Variants in GLIS2 observed in about 807,000 individuals in gnomAD.
The protein encoded by GLIS2 is zinc finger protein GLIS2.
GLIS2 carries 14 observed loss-of-function variants against 35.6 expected under a neutral mutation model. That is an observed-to-expected ratio of 0.39 (90% CI 0.26 to 0.61). The LOEUF (loss-of-function observed/expected upper bound fraction) is 0.61, where lower values mean the gene tolerates loss of function less well. Among genes scored for constraint, GLIS2 ranks in the 20% least tolerant of loss-of-function variants. The pLI is 0.48. For missense variants in GLIS2, 675 were observed against 713.4 expected (o/e 0.95, Z 0.61); for synonymous variants, 368 against 325.1 (o/e 1.13, Z -1.42).
At chr16:4,317,269 G>C (rs1283742607) in intron 1 of GLIS2, among the ~76,000 whole-genome samples, 1 of 152,166 alleles carries the variant, frequency 6.6e-6, no homozygotes, top group African/African-American at 2.4e-5. Context: ...TGACACTGAG[G>C]GGGCAGCCAG....
intron 1 of GLIS2, among the ~76,000 whole-genome samples, chr16:4,330,610 C>T (rs550380714): frequency 1.3e-5 from 2 of 152,344 alleles, no homozygotes; most frequent in African/African-American, 4.8e-5. Flanking sequence ...TGGTGGTGAG[C>T]GTGGCTACCT....
intron 1 of GLIS2, among the ~76,000 whole-genome samples, chr16:4,322,719 G>C (rs538555933): frequency 6.6e-6 from 1 of 151,964 alleles, no homozygotes; most frequent in South Asian, 2.1e-4. Context: ...GCATGAATGC[G>C]TGGTTGGAGA....
Position 4,336,817 on chromosome 16 carries a change from G to C in GLIS2, c.868G>C (p.Asp290His). ...TAAGCACACGCGCACCCACTATGTG[G>C]ACAAGCCCTACTACTGCAAGATGCC... ...RFKHTRTHYV[D>H]KPYYCKMPGC... is the part of the protein sequence containing the mutation. Residue 290 changes from aspartate to histidine, a missense_variant, in exon 7 of 7, where the codon GAC becomes CAC. Physicochemically the swap from Asp to His is moderately conservative, Grantham distance 81. This residue lies in a region of GLIS2 where 133 missense variants were observed against 191.4 expected (regional missense o/e 0.69). Transcript: ENST00000433375. 1 of 1,612,214 alleles carries C rather than the reference G, an allele frequency of 6.2e-7. No homozygotes were observed. The highest frequency in any genetic ancestry group is 8.5e-7 in the Non-Finnish European group (1 of 1,179,382).
intron 2 of GLIS2, 47 bp from the exon 3 acceptor site, chr16:4,333,300 C>T: frequency 1.2e-6 from 2 of 1,608,790 alleles, no homozygotes; most frequent in Non-Finnish European, 1.7e-6. Flanking sequence ...ACCTGGCCCA[C>T]TGGGACTCTA....
At chr16:4,327,651 G>C (rs1251218038) in intron 1 of GLIS2, among the ~76,000 whole-genome samples, 1 of 152,004 alleles carries the variant, frequency 6.6e-6, no homozygotes, top group Non-Finnish European at 1.5e-5. Context: ...CCATTGTCTC[G>C]GCCAGGGTGG....
intron 1 of GLIS2, among the ~76,000 whole-genome samples, chr16:4,329,854 A>G (rs1387429239): frequency 6.6e-6 from 1 of 152,222 alleles, no homozygotes; most frequent in East Asian, 1.9e-4. Context: ...CAATGAACAA[A>G]CGCAAGGAAA....
In GLIS2 at chr16:4,334,808, A is replaced by G. The variant is rs1281784980; in HGVS notation, c.353A>G (p.Gln118Arg). ...LPPVPSASDF[Q>R]PLRYLDGVPS... ...CCTCCCCTCGCACCCCAGGACTTCCAGCCACTGCGCTATTTGGATGGTGTC... is the reference window on the plus strand; with the variant it reads ...CCTCCCCTCGCACCCCAGGACTTCCGGCCACTGCGCTATTTGGATGGTGTC... The change falls in exon 4 of 7, where the codon CAG (glutamine) becomes CGG (arginine). Residue 118 changes from glutamine (Q) to arginine (R), a missense_variant. This residue lies in a region of GLIS2 where 225 missense variants were observed against 238.7 expected (regional missense o/e 0.94). Transcript: ENST00000433375. 5 of 1,613,288 alleles carry G rather than the reference A, an allele frequency of 3.1e-6. No individual in the cohort carries two copies. Among genetic ancestry groups the G allele is most frequent in the Non-Finnish European group, 4.2e-6 (5 of 1,179,990 alleles).
Position 4,336,908 on chromosome 16 carries a change from T to G in GLIS2, c.959T>G (p.Phe320Cys), listed in dbSNP as rs144782020. ...LRKHIKAHGH[F>C]VSHEQQELLQ... ...AAGCACATCAAGGCCCATGGCCACT[T>G]TGTGTCCCACGAGCAGCAAGAGCTC... Residue 320 changes from phenylalanine to cysteine, a missense_variant, in exon 7 of 7, where the codon TTT (phenylalanine) becomes TGT (cysteine). By Grantham distance (205) the Phe-to-Cys change is radical. Around this residue, in one of 3 missense-constraint regions of GLIS2, gnomAD observed 317 missense variants for 283.2 expected, o/e 1.12. Transcript: ENST00000433375. 37 of 1,612,920 alleles carry G rather than the reference T, an allele frequency of 2.3e-5. No individual in the cohort carries two copies. Among genetic ancestry groups the G allele is most frequent in the Non-Finnish European group, 3.0e-5 (35 of 1,180,008 alleles).
intron 1 of GLIS2, among the ~76,000 whole-genome samples, chr16:4,324,480 T>C (rs2053409550): frequency 6.6e-6 from 1 of 152,136 alleles, no homozygotes; most frequent in Admixed American, 6.5e-5. Flanking sequence ...CTGAGGTTCT[T>C]TGAGGGGCAT....
At chr16:4,328,784 G>T (rs1341496335) in intron 1 of GLIS2, among the ~76,000 whole-genome samples, 3 of 152,214 alleles carry the variant, frequency 2.0e-5, no homozygotes, top group African/African-American at 7.2e-5. Context: ...TCCTGGGGAA[G>T]TGTCCCCTGC....
chr16:4,338,276 C>G lies in GLIS2; in HGVS notation c.*752C>G, dbSNP rs915414465. 1 of 152,604 alleles carries G rather than the reference C, an allele frequency of 6.6e-6. No homozygotes were observed. Among genetic ancestry groups the G allele is most frequent in the African/African-American group, 2.4e-5 (1 of 41,468 alleles). 9.5% of individuals were successfully genotyped at this position (152,604 alleles called of 1,614,324 possible). A position where few individuals can be genotyped will look rare whatever the true frequency, so the allele number is the denominator to read the frequency against. On this transcript the variant is annotated 3_prime_UTR_variant, in exon 7 of 7. Coordinates refer to ENST00000433375, the MANE Select transcript of GLIS2 (RefSeq NM_032575.3). ...CACCCTGGGAGCGTGGGAAGCAGGTCCGAGGGCCCCTGAGCTGGCAAGGGG... is the reference window on the plus strand; with the variant it reads ...CACCCTGGGAGCGTGGGAAGCAGGTGCGAGGGCCCCTGAGCTGGCAAGGGG...
rs1186215459 is a variant in GLIS2 at position 4,335,205 on chromosome 16, G to C, written c.656+12G>C. On this transcript the variant is annotated intron_variant, in intron 5 of 6. Transcript: ENST00000433375. This position sits in a 1 kb window ranked among gnomAD's most constrained non-coding sequence, Gnocchi z 4.6. ...GGTTTCAACGCCAGGTGAGGTGGGG[G>C]AGAGAGGGGTAGAGGGAGGACTGGG... 6.2e-7 allele frequency: 1 copy of C among 1,613,450 alleles called. No homozygotes were observed. The highest frequency in any genetic ancestry group is 8.5e-7 in the Non-Finnish European group (1 of 1,179,972).
chr16:4,318,352 T>G (rs902657190), intron 1 of GLIS2, among the ~76,000 whole-genome samples: 5 of 151,864 alleles, frequency 3.3e-5, no homozygotes, highest in African/African-American at 9.7e-5. Context: ...GAAGCCTGGG[T>G]GGAGGGGGGT....
At position 4,332,193 on chromosome 16, in the gene GLIS2, C is replaced by G; in HGVS notation, c.-66-22C>G. On this transcript the variant is annotated intron_variant, in intron 1 of 6. Transcript: ENST00000433375. The surrounding 1 kb of genome is among the most constrained non-coding windows in gnomAD (Gnocchi z 5.4). ...GAAGCCTGGGGTCTCAGTGCCACAG[C>G]ACAGCTCCTGTCCTTCCCCAGGTTC... 6.7e-7 allele frequency: 1 copy of G among 1,499,286 alleles called. No individual in the cohort carries two copies. The highest frequency in any genetic ancestry group is 9.1e-7 in the Non-Finnish European group (1 of 1,103,134). 92.9% of individuals were successfully genotyped at this position (1,499,286 alleles called of 1,614,324 possible).
upstream of GLIS2, chr16:4,315,099 T>C (rs2053292814): frequency 6.6e-6 from 1 of 152,068 alleles, no homozygotes; most frequent in Non-Finnish European, 1.5e-5. Context: ...CCAGGAGGGA[T>C]CTAGACCTCC....
Position 4,335,241 on chromosome 16 carries a change from A to C in GLIS2, c.657-34A>C. On this transcript the variant is annotated intron_variant, in intron 5 of 6. Coordinates refer to ENST00000433375, the MANE Select transcript of GLIS2 (RefSeq NM_032575.3). This position sits in a 1 kb window ranked among gnomAD's most constrained non-coding sequence, Gnocchi z 4.6. ...AGAGGGAGGACTGGGGTCTCCAGTG[A>C]GCTGAGCCGTGCCCCCCGCCCTCCC... The C allele has an allele frequency of 6.2e-7, 1 of 1,613,596 alleles. No homozygotes were observed. The highest frequency in any genetic ancestry group is 8.5e-7 in the Non-Finnish European group (1 of 1,179,994).
intron 1 of GLIS2, among the ~76,000 whole-genome samples, chr16:4,328,849 C>T (rs1020597069): frequency 6.6e-6 from 1 of 152,186 alleles, no homozygotes; most frequent in Non-Finnish European, 1.5e-5. Flanking sequence ...CCCCATCTGT[C>T]CTGGGAAGGC....
At chr16:4,336,532 G>A (rs1487156844) in intron 6 of GLIS2, 193 bp from the exon 7 acceptor site, 8 of 674,224 alleles carry the variant, frequency 1.2e-5, no homozygotes, top group East Asian at 2.7e-5. Flanking sequence ...AGTCAACCAG[G>A]CTGAGTTTTC....
chr16:4,330,974 T>C (rs953589186), intron 1 of GLIS2, among the ~76,000 whole-genome samples: 4 of 126,534 alleles, frequency 3.2e-5, no homozygotes, highest in Non-Finnish European at 6.6e-5. Context: ...CGTTTGGCTT[T>C]TTGTTTGTTT....
Sources: allele counts gnomAD v4.1 joint callset (sites outside exome capture counted in the v4.1 genomes callset), GRCh38; gene constraint gnomAD v4.1.1; regional missense constraint gnomAD v4.1.1; non-coding constraint Gnocchi (gnomAD v3.1); transcripts MANE v1.5; gene names NCBI Gene and HGNC (gene_info 2026-07-23, HGNC 2026-07-21).